The following SLC16A1 variants were observed in gnomAD, a reference collection of about 807,000 sequenced individuals.
SLC16A1 encodes monocarboxylate transporter 1.
A neutral mutation model predicts 32.2 loss-of-function variants in SLC16A1; 11 were observed. The ratio of observed to expected loss-of-function variants is 0.34; its 90% CI spans 0.21 to 0.56. The LOEUF is 0.56. SLC16A1 is among the 20% of genes least tolerant of loss of function. The probability of loss-of-function intolerance (pLI) is 0.87; values close to 1 mark genes in which losing one functional copy is unlikely to be tolerated. For missense variants in SLC16A1, 435 were observed against 615.0 expected (o/e 0.71, Z 3.10); for synonymous variants, 231 against 226.8 (o/e 1.02, Z -0.17).
intron 1 of SLC16A1, among the ~76,000 whole-genome samples, chr1:112,940,372 T>A: frequency 6.6e-6 from 1 of 152,158 alleles, no homozygotes; most frequent in Non-Finnish European, 1.5e-5. Context: ...TTAAGTGAAA[T>A]CTAAAGACCT....
chr1:112,938,560 T>C (rs1412196241), intron 1 of SLC16A1, among the ~76,000 whole-genome samples: 2 of 152,212 alleles, frequency 1.3e-5, no homozygotes, highest in African/African-American at 4.8e-5. Flanking sequence ...AAACTGCATA[T>C]AAAGAATCTT....
At chr1:112,928,023 A>G (rs1227564375) in intron 2 of SLC16A1, among the ~76,000 whole-genome samples, 4 of 152,160 alleles carry the variant, frequency 2.6e-5, no homozygotes, top group Non-Finnish European at 5.9e-5. Context: ...CCCAAAGTCC[A>G]TTTTGATTTC....
At chr1:112,944,793 A>G (rs1324685114) in intron 1 of SLC16A1, among the ~76,000 whole-genome samples, 1 of 152,096 alleles carries the variant, frequency 6.6e-6, no homozygotes, top group East Asian at 1.9e-4. Flanking sequence ...CCCAGGTTCA[A>G]GCCATTCTCA....
chr1:112,913,776 T>G lies in SLC16A1; in HGVS notation c.*115A>C, dbSNP rs1402452765. The G allele has an allele frequency of 1.5e-6, 2 of 1,300,928 alleles. No individual in the cohort carries two copies. The highest frequency in any genetic ancestry group is 2.9e-5 in the African/African-American group (2 of 68,528). 80.6% of individuals were successfully genotyped at this position (1,300,928 alleles called of 1,614,324 possible). On this transcript the variant is annotated 3_prime_UTR_variant, in exon 5 of 5. Transcript: ENST00000369626. ...CCATCAATGAACAACTGGTATGATT[T>G]CCACACAAATGTCTACTATTTGCAT... is the stretch of plus-strand genomic sequence containing the variant.
At chr1:112,934,698 T>A (rs4839270) in intron 1 of SLC16A1, among the ~76,000 whole-genome samples, 24,025 of 152,010 alleles carry the variant, frequency 0.16, 2,459 homozygotes, top group Non-Finnish European at 0.23. Flanking sequence ...AAGACAAAGA[T>A]GAGGATAAAG....
In SLC16A1 at chr1:112,912,811, AAAAAAAAC is replaced by A. The variant is rs1279623348; in HGVS notation, c.*1072_*1079del. The A allele has an allele frequency of 1.3e-5, 2 of 151,966 alleles. No homozygotes were observed. The highest frequency in any genetic ancestry group is 2.4e-5 in the African/African-American group (1 of 41,426). 9.4% of individuals were successfully genotyped at this position (151,966 alleles called of 1,614,324 possible). A position where few individuals can be genotyped will look rare whatever the true frequency, so the allele number is the denominator to read the frequency against. On this transcript the variant is annotated 3_prime_UTR_variant, in exon 5 of 5. Transcript: ENST00000369626. The stretch of plus-strand genomic sequence containing the variant: ...CTTTTTAATTTGCAAACCTTAAAAA[AAAAAAAAC>A]AAAAAAACAAAAACACCAAACACAC...
chr1:112,930,151 T>C lies in SLC16A1; in HGVS notation c.-44-799A>G, dbSNP rs143601001. Among the ~76,000 whole-genome samples, 301 of 152,192 alleles carry C rather than the reference T, an allele frequency of 2.0e-3. 1 individual carries two copies. Among genetic ancestry groups the C allele is most frequent in the Non-Finnish European group, 3.0e-3 (202 of 68,002 alleles). ...GGTAACCCGATTTATAGCTGGTGAG[T>C]CACAAGTACAGGTGACAAGCTACTA... On this transcript the variant is annotated intron_variant, in intron 1 of 4. Coordinates refer to ENST00000369626, the MANE Select transcript of SLC16A1 (RefSeq NM_003051.4).
Position 112,912,786 on chromosome 1 carries a change from C to T in SLC16A1, c.*1105G>A, listed in dbSNP as rs1266581619. 1 of 151,172 alleles carries T rather than the reference C, an allele frequency of 6.6e-6. No homozygotes were observed. Among genetic ancestry groups the T allele is most frequent in the East Asian group, 1.9e-4 (1 of 5,176 alleles). 9.4% of individuals were successfully genotyped at this position (151,172 alleles called of 1,614,324 possible). On this transcript the variant is annotated 3_prime_UTR_variant, in exon 5 of 5. Transcript: ENST00000369626. Reference sequence around the variant, plus strand: ...TGCCTGGTGCCAAATTTTTCTGGCCCTTTTTAATTTGCAAACCTTAAAAAA... The same window carrying T: ...TGCCTGGTGCCAAATTTTTCTGGCCTTTTTTAATTTGCAAACCTTAAAAAA...
At chr1:112,920,334 G>T (rs897169606) in intron 3 of SLC16A1, among the ~76,000 whole-genome samples, 1 of 152,190 alleles carries the variant, frequency 6.6e-6, no homozygotes, top group Non-Finnish European at 1.5e-5. Flanking sequence ...TTGGCCAGGT[G>T]CAGTGGCTCA....
In SLC16A1 at chr1:112,913,619, A is replaced by G; in HGVS notation, c.*272T>C. ...AAGACTAAAACTTAAGGCACATATT[A>G]TAATCTTTATGACACTATTAAAAGC... On this transcript the variant is annotated 3_prime_UTR_variant, in exon 5 of 5. Coordinates refer to ENST00000369626, the MANE Select transcript of SLC16A1 (RefSeq NM_003051.4). 4.2e-6 allele frequency: 2 copies of G among 474,584 alleles called. No homozygotes were observed. Among genetic ancestry groups the G allele is most frequent in the South Asian group, 2.3e-5 (1 of 42,888 alleles). 29.4% of individuals were successfully genotyped at this position (474,584 alleles called of 1,614,324 possible).
chr1:112,919,686 A>G (rs1648648837), intron 3 of SLC16A1, among the ~76,000 whole-genome samples: 1 of 152,248 alleles, frequency 6.6e-6, no homozygotes, highest in Admixed American at 6.5e-5. Flanking sequence ...AAATAGTGCT[A>G]GCAAAAGTAA....
intron 1 of SLC16A1, among the ~76,000 whole-genome samples, chr1:112,949,621 G>A (rs1011403628): frequency 2.6e-5 from 4 of 152,148 alleles, no homozygotes; most frequent in Admixed American, 1.3e-4. Context: ...TTAGACTCTG[G>A]TGCCAGGGAT....
chr1:112,933,730 C>CATTATTTTTACTAAA (rs1649213968), intron 1 of SLC16A1, among the ~76,000 whole-genome samples: 1 of 152,120 alleles, frequency 6.6e-6, no homozygotes. Flanking sequence ...AAAAATAAGA[C>CATTATTTTTACTAAA]AGATAATTCC....
At chr1:112,919,070 G>A (rs914001533) in intron 3 of SLC16A1, among the ~76,000 whole-genome samples, 12 of 135,236 alleles carry the variant, frequency 8.9e-5, no homozygotes, top group East Asian at 4.1e-4. Context: ...TTGCTCTGCC[G>A]CCCAGGCTGG....
At chr1:112,940,564 G>GT (rs1466772454) in intron 1 of SLC16A1, among the ~76,000 whole-genome samples, 4 of 151,954 alleles carry the variant, frequency 2.6e-5, no homozygotes, top group Admixed American at 1.3e-4. Context: ...GTTAGACAAT[G>GT]TTTTTTTCAG....
At chr1:112,925,910 GCGGTACAGTATACTAA>G (rs144655183) in intron 2 of SLC16A1, among the ~76,000 whole-genome samples, 3,050 of 152,230 alleles carry the variant, frequency 0.02, 47 homozygotes, top group Non-Finnish European at 0.031. Flanking sequence ...ATTCAGAGTT[GCGGTACAGTATACTAA>G]CATTAAAAGG....
At chr1:112,930,724 GTTT>G (rs536201953) in intron 1 of SLC16A1, among the ~76,000 whole-genome samples, 3 of 135,192 alleles carry the variant, frequency 2.2e-5, no homozygotes, top group Non-Finnish European at 1.6e-5. Flanking sequence ...AACATTTTAG[GTTT>G]TTTTTTTTTT....
intron 4 of SLC16A1, among the ~76,000 whole-genome samples, chr1:112,915,603 C>G (rs1406694893): frequency 4.6e-5 from 7 of 152,116 alleles, no homozygotes. Context: ...TGAAGAACAG[C>G]TAGAACTGAT....
chr1:112,931,537 T>A (rs1395032956), intron 1 of SLC16A1, among the ~76,000 whole-genome samples: 1 of 147,308 alleles, frequency 6.8e-6, no homozygotes, highest in Non-Finnish European at 1.5e-5. Context: ...TCCCAACTAC[T>A]AGGGAGGCTC....
Sources: allele counts gnomAD v4.1 joint callset (sites outside exome capture counted in the v4.1 genomes callset), GRCh38; gene constraint gnomAD v4.1.1; transcripts MANE v1.5; gene names NCBI Gene and HGNC (gene_info 2026-07-23, HGNC 2026-07-21).